The following G2E3 variants were observed in gnomAD, a reference collection of about 807,000 sequenced individuals.
G2E3 encodes G2/M phase-specific E3 ubiquitin-protein ligase.
Under a neutral mutation model 92.8 loss-of-function variants are expected in G2E3, and 35 were observed. The observed-to-expected ratio is 0.38, with a 90% CI of 0.29 to 0.50. G2E3 has a LOEUF of 0.50. Ranked by LOEUF, G2E3 falls within the 20% of genes least tolerant of loss-of-function variation. The pLI is 0.94. For missense variants in G2E3, 554 were observed against 823.8 expected, an observed-to-expected ratio of 0.67 and a Z score of 4.01; for synonymous variants, 242 against 272.4, an observed-to-expected ratio of 0.89 and a Z score of 1.10.
chr14:30,580,767 C>T (rs975740665), intron 1 of G2E3: 31 of 217,558 alleles, frequency 1.4e-4, no homozygotes, highest in African/African-American at 6.7e-4. Flanking sequence ...TCTAGACTAT[C>T]GTTTGTTGTG....
chr14:30,580,652 G>A lies in G2E3; in HGVS notation c.-4-424G>A, dbSNP rs144208076. On this transcript the variant is annotated intron_variant, in intron 1 of 14. Coordinates refer to ENST00000206595, the MANE Select transcript of G2E3 (RefSeq NM_017769.5). ...TTCCTTGATTGACATAGGAGTTGTA[G>A]TTCTGCAAATATAATTTGTTAATAT... is the stretch of plus-strand genomic sequence containing the variant. Among the ~76,000 whole-genome samples, 43 of 152,316 alleles carry A rather than the reference G, an allele frequency of 2.8e-4. No homozygotes were observed. The East Asian group carries it at 7.1e-3, about 25-fold the overall frequency.
chr14:30,599,370 G>A (rs1039898190), intron 8 of G2E3, among the ~76,000 whole-genome samples: 2 of 152,148 alleles, frequency 1.3e-5, no homozygotes, highest in Admixed American at 6.5e-5. Flanking sequence ...TGGGATTACA[G>A]GCGCATGCCA....
chr14:30,598,693 C>T lies in G2E3; in HGVS notation c.752+94C>T, dbSNP rs1881411074. 4 of 842,494 alleles carry T rather than the reference C, an allele frequency of 4.7e-6. No individual in the cohort carries two copies. In the South Asian group the frequency reaches 5.4e-5, roughly 11 times the overall value. 52.2% of individuals were successfully genotyped at this position (842,494 alleles called of 1,614,324 possible). ...ATAGTTAGTGAAACGTAGTTTTTCT[C>T]TTAGGATGTTAGAAGTTTAAATTGA... is the stretch of plus-strand genomic sequence containing the variant. On this transcript the variant is annotated intron_variant, in intron 8 of 14. Transcript: ENST00000206595.
At chr14:30,563,498 G>A (rs971003059) in intron 1 of G2E3, among the ~76,000 whole-genome samples, 9 of 151,494 alleles carry the variant, frequency 5.9e-5, no homozygotes, top group Non-Finnish European at 1.2e-4. Flanking sequence ...TTGGAGTTGG[G>A]ATATCACAAG....
intron 2 of G2E3, among the ~76,000 whole-genome samples, chr14:30,583,735 A>G (rs992627537): frequency 6.6e-6 from 1 of 152,246 alleles, no homozygotes; most frequent in African/African-American, 2.4e-5. Context: ...CAATATGTAC[A>G]TATATCAAAA....
intron 3 of G2E3, among the ~76,000 whole-genome samples, chr14:30,588,472 A>G (rs1257869207): frequency 6.6e-6 from 1 of 152,102 alleles, no homozygotes; most frequent in Non-Finnish European, 1.5e-5. Context: ...ATTATGTAAT[A>G]CATTTAAGTT....
intron 6 of G2E3, among the ~76,000 whole-genome samples, chr14:30,597,066 A>G (rs966079375): frequency 1.3e-5 from 2 of 152,214 alleles, no homozygotes; most frequent in African/African-American, 4.8e-5. Context: ...TTTAAACCCC[A>G]TTTCTAGATG....
chr14:30,569,495 G>A (rs1023664557), intron 1 of G2E3, among the ~76,000 whole-genome samples: 1 of 152,156 alleles, frequency 6.6e-6, no homozygotes, highest in Non-Finnish European at 1.5e-5. Context: ...GTCACATAAG[G>A]TAGCAGATAC....
At chr14:30,610,406 C>G (rs229234) in intron 12 of G2E3, among the ~76,000 whole-genome samples, 130,405 of 152,132 alleles carry the variant, frequency 0.86, 56,204 homozygotes, top group African/African-American at 0.95. Flanking sequence ...CCGGGGTCAG[C>G]AGTTCGAGAC....
At chr14:30,588,511 G>C (rs1880838728) in intron 3 of G2E3, among the ~76,000 whole-genome samples, 1 of 151,646 alleles carries the variant, frequency 6.6e-6, no homozygotes, top group African/African-American at 2.4e-5. Flanking sequence ...CTTATGTTCT[G>C]TCTTATTCAA....
intron 1 of G2E3, among the ~76,000 whole-genome samples, chr14:30,572,971 TA>T (rs1466810740): frequency 2.6e-5 from 4 of 151,894 alleles, no homozygotes; most frequent in African/African-American, 7.3e-5. Flanking sequence ...AATTTATGGT[TA>T]AAAAACATTG....
rs1882454325 is a variant in G2E3 at position 30,619,274 on chromosome 14, A to G, written c.*2740A>G. 6.6e-6 allele frequency: 1 copy of G among 151,978 alleles called. No individual in the cohort carries two copies. Among genetic ancestry groups the G allele is most frequent in the Non-Finnish European group, 1.5e-5 (1 of 67,920 alleles). The allele number at this position is 151,978 out of a possible 1,614,324, so 9.4% of individuals were successfully genotyped here. ...TGGTTTCTATTTTATGCATTTGTAAATTTTTCCCCTAATTATATGGAAGCT... is the reference window on the plus strand; with the variant it reads ...TGGTTTCTATTTTATGCATTTGTAAGTTTTTCCCCTAATTATATGGAAGCT... On this transcript the variant is annotated 3_prime_UTR_variant, in exon 15 of 15. Transcript: ENST00000206595.
chr14:30,579,359 TA>T (rs1213935351), intron 1 of G2E3, among the ~76,000 whole-genome samples: 1 of 152,176 alleles, frequency 6.6e-6, no homozygotes, highest in African/African-American at 2.4e-5. Context: ...TTGTAAGGAA[TA>T]AACAAAATAT....
At chr14:30,560,749 G>T (rs1879046521) in intron 1 of G2E3, 2 of 700,436 alleles carry the variant, frequency 2.9e-6, no homozygotes, top group East Asian at 2.7e-5. Flanking sequence ...TGAAGGATTT[G>T]TTCAACAATG....
At position 30,604,204 on chromosome 14, in the gene G2E3, A is replaced by T. The variant is rs183237340; in HGVS notation, c.1011-1301A>T. Reference sequence around the variant, plus strand: ...CAGGAGCAAGGAATCAACCTGCTATAAAAAAGGTATGTTTCTGAAGAATTA... The same window carrying T: ...CAGGAGCAAGGAATCAACCTGCTATTAAAAAGGTATGTTTCTGAAGAATTA... On this transcript the variant is annotated intron_variant, in intron 10 of 14. Transcript: ENST00000206595. Among the ~76,000 whole-genome samples, 26 of 152,328 alleles carry T rather than the reference A, an allele frequency of 1.7e-4. No individual in the cohort carries two copies. The East Asian group carries it at 4.8e-3, about 28-fold the overall frequency.
At position 30,612,230 on chromosome 14, in the gene G2E3, T is replaced by A. The variant is rs748689535; in HGVS notation, c.1524T>A (p.Ala508=). Residue 508 remains alanine (A), a synonymous_variant, in exon 13 of 15, where the codon GCT becomes GCA. Coordinates refer to ENST00000206595, the MANE Select transcript of G2E3 (RefSeq NM_017769.5). ...IIRINTATTV[A]DLKSIINECY... Reference sequence around the variant, plus strand: ...AGATAAATACTGCAACAACTGTAGCTGACTTAAAGTCAATAATAAATGAAT... The same window carrying A: ...AGATAAATACTGCAACAACTGTAGCAGACTTAAAGTCAATAATAAATGAAT... 1 of 1,611,130 alleles carries A rather than the reference T, an allele frequency of 6.2e-7. No homozygotes were observed. The highest frequency in any genetic ancestry group is 2.2e-5 in the East Asian group (1 of 44,722).
At chr14:30,595,238 T>C (rs1449599735) in intron 6 of G2E3, among the ~76,000 whole-genome samples, 1 of 152,200 alleles carries the variant, frequency 6.6e-6, no homozygotes, top group Non-Finnish European at 1.5e-5. Flanking sequence ...GAGAGTGCAG[T>C]TAATAAACAA....
chr14:30,616,206 C>A (rs777118682), intron 14 of G2E3, 72 bp from the exon 15 acceptor site: 5 of 990,862 alleles, frequency 5.0e-6, no homozygotes, highest in Non-Finnish European at 7.9e-6. Flanking sequence ...GGAGAAGAAT[C>A]TATGATGATA....
rs147207250 is a variant in G2E3 at position 30,615,152 on chromosome 14, T to C, written c.1674-197T>C. Among the ~76,000 whole-genome samples the C allele has an allele frequency of 3.4e-4, 52 of 152,314 alleles. No individual in the cohort carries two copies. In the South Asian group the frequency reaches 5.2e-3, roughly 15 times the overall value. ...TTTGCTTGTTATGGATTTGAAAGTA[T>C]CATGTGTAGTATATCCATATCTTCT... On this transcript the variant is annotated intron_variant, in intron 13 of 14. Coordinates refer to ENST00000206595, the MANE Select transcript of G2E3 (RefSeq NM_017769.5).
Sources: allele counts gnomAD v4.1 joint callset (sites outside exome capture counted in the v4.1 genomes callset), GRCh38; gene constraint gnomAD v4.1.1; transcripts MANE v1.5; gene names NCBI Gene and HGNC (gene_info 2026-07-23, HGNC 2026-07-21).